Variants in COL25A1 observed in about 807,000 individuals in gnomAD.
The protein encoded by COL25A1 is collagen type XXV alpha 1 chain.
In COL25A1, 103 loss-of-function variants were observed where a neutral mutation model predicts 128.4. The observed-to-expected ratio is 0.80, with a 90% CI of 0.68 to 0.94. The LOEUF is 0.94. COL25A1 is among the 40% of genes least tolerant of loss of function. COL25A1 has a pLI of 0.00. For synonymous variants in COL25A1, 279 were observed against 277.2 expected, an observed-to-expected ratio of 1.01 and a Z score of -0.06; for missense variants, 745 against 840.0, an observed-to-expected ratio of 0.89 and a Z score of 1.40.
chr4:109,218,358 T>TTTTTTTTTTGTTTGTTTGTTTG (rs1778176559), intron 3 of COL25A1, among the ~76,000 whole-genome samples: 1 of 77,316 alleles, frequency 1.3e-5, no homozygotes, highest in African/African-American at 5.9e-5. Context: ...TTTTTTGGGG[T>TTTTTTTTTTGTTTGTTTGTTTG]TTTTTTTTTT....
chr4:108,998,932 A>C (rs1180913691), intron 6 of COL25A1, among the ~76,000 whole-genome samples: 1 of 152,230 alleles, frequency 6.6e-6, no homozygotes, highest in African/African-American at 2.4e-5. Flanking sequence ...CTGAAACTGG[A>C]TCCCTTCTTT....
chr4:108,859,394 C>T (rs1736898052), intron 24 of COL25A1, among the ~76,000 whole-genome samples: 1 of 152,170 alleles, frequency 6.6e-6, no homozygotes, highest in Non-Finnish European at 1.5e-5. Context: ...GCCAAACTAA[C>T]ACAAGGTTTA....
intron 3 of COL25A1, among the ~76,000 whole-genome samples, chr4:109,289,600 G>T (rs1477990542): frequency 2.0e-5 from 3 of 152,088 alleles, no homozygotes; most frequent in Non-Finnish European, 4.4e-5. Flanking sequence ...GGACCCAAGG[G>T]TGATGAAGCT....
intron 13 of COL25A1, among the ~76,000 whole-genome samples, chr4:108,916,684 G>C (rs1213156343): frequency 6.6e-6 from 1 of 152,160 alleles, no homozygotes; most frequent in Non-Finnish European, 1.5e-5. Flanking sequence ...ATCTGAGAAT[G>C]AATACACTTT....
chr4:109,250,300 CT>C (rs1780557740), intron 3 of COL25A1, among the ~76,000 whole-genome samples: 1 of 125,942 alleles, frequency 7.9e-6, no homozygotes, highest in Non-Finnish European at 1.6e-5. Flanking sequence ...GCACAAATAT[CT>C]GGGGGGGGAG....
At chr4:109,272,076 A>G (rs1453379208) in intron 3 of COL25A1, among the ~76,000 whole-genome samples, 1 of 152,008 alleles carries the variant, frequency 6.6e-6, no homozygotes, top group African/African-American at 2.4e-5. Flanking sequence ...TCTCTACAAA[A>G]AATACAAAAA....
chr4:108,887,048 ACACT>A (rs1259089032), intron 18 of COL25A1, among the ~76,000 whole-genome samples: 6 of 152,294 alleles, frequency 3.9e-5, no homozygotes, highest in Admixed American at 3.3e-4. Flanking sequence ...ATAAATCTAC[ACACT>A]CACTCTACAA....
intron 3 of COL25A1, among the ~76,000 whole-genome samples, chr4:109,202,690 C>A (rs1776653062): frequency 6.6e-6 from 1 of 152,092 alleles, no homozygotes; most frequent in Non-Finnish European, 1.5e-5. Flanking sequence ...AAGGGACAAG[C>A]CACATACTGG....
At chr4:108,980,339 G>A (rs1371372298) in intron 6 of COL25A1, among the ~76,000 whole-genome samples, 1 of 152,262 alleles carries the variant, frequency 6.6e-6, no homozygotes, top group Non-Finnish European at 1.5e-5. Context: ...CAACAAGACT[G>A]GTTAACTGAT....
At chr4:108,881,958 A>G (rs1740181236) in intron 19 of COL25A1, among the ~76,000 whole-genome samples, 1 of 152,206 alleles carries the variant, frequency 6.6e-6, no homozygotes, top group Non-Finnish European at 1.5e-5. Flanking sequence ...CTTGATGAAA[A>G]GAGTTTTTGT....
chr4:109,034,256 T>C (rs548477870), intron 5 of COL25A1, among the ~76,000 whole-genome samples: 5 of 152,338 alleles, frequency 3.3e-5, no homozygotes, highest in Admixed American at 1.3e-4. Context: ...ACATTTGATA[T>C]GGTTTTTGCC....
In COL25A1 at chr4:109,265,006, GC is replaced by G. The variant is rs1255343503; in HGVS notation, c.367+35576del. Among the ~76,000 whole-genome samples, 12 of 141,008 alleles carry G rather than the reference GC, an allele frequency of 8.5e-5. No homozygotes were observed. The East Asian group carries it at 2.3e-3, about 27-fold the overall frequency. 92.5% of individuals were successfully genotyped at this position (141,008 alleles called of 152,430 possible). A position where few individuals can be genotyped will look rare whatever the true frequency, so the allele number is the denominator to read the frequency against. ...AATTTCTAGTTAATCTATTTATAATGCCTTTTTTTGTATAAAGAAAATGGAA... is the reference window on the plus strand; with the variant it reads ...AATTTCTAGTTAATCTATTTATAATGCTTTTTTTGTATAAAGAAAATGGAA... On this transcript the variant is annotated intron_variant, in intron 3 of 37. Coordinates refer to ENST00000399132, the MANE Select transcript of COL25A1 (RefSeq NM_198721.4).
chr4:108,944,298 A>G (rs1748475064), intron 8 of COL25A1, among the ~76,000 whole-genome samples: 1 of 152,222 alleles, frequency 6.6e-6, no homozygotes. Context: ...TACAAGTTTG[A>G]AAACAGATGT....
chr4:108,852,845 A>G, intron 25 of COL25A1, 57 bp downstream of exon 25: 3 of 1,424,244 alleles, frequency 2.1e-6, no homozygotes, highest in Non-Finnish European at 2.9e-6. Flanking sequence ...TTTGGCTGGC[A>G]TGCATCAACA....
intron 3 of COL25A1, among the ~76,000 whole-genome samples, chr4:109,141,482 T>C (rs1236546555): frequency 6.6e-6 from 1 of 152,190 alleles, no homozygotes; most frequent in Non-Finnish European, 1.5e-5. Context: ...TCTTTTTCTG[T>C]TGTTTAGAAT....
intron 6 of COL25A1, among the ~76,000 whole-genome samples, chr4:109,002,341 A>T (rs1486656776): frequency 6.6e-6 from 1 of 152,228 alleles, no homozygotes; most frequent in East Asian, 1.9e-4. Flanking sequence ...ACAGGTAAAG[A>T]AACTGTGGTA....
intron 6 of COL25A1, among the ~76,000 whole-genome samples, chr4:108,995,512 C>T (rs912968822): frequency 3.3e-5 from 5 of 152,108 alleles, no homozygotes; most frequent in South Asian, 2.1e-4. Flanking sequence ...CAGAAAGTGA[C>T]GGGGAGAATG....
intron 8 of COL25A1, among the ~76,000 whole-genome samples, chr4:108,964,026 C>T (rs933572796): frequency 6.7e-6 from 1 of 149,884 alleles, no homozygotes; most frequent in Non-Finnish European, 1.5e-5. Context: ...TAATTATTTA[C>T]ATATCATATG....
At chr4:109,265,256 G>A (rs755135018) in intron 3 of COL25A1, among the ~76,000 whole-genome samples, 1 of 151,936 alleles carries the variant, frequency 6.6e-6, no homozygotes, top group African/African-American at 2.4e-5. Flanking sequence ...GTTAACATTC[G>A]GGAGCTGAAA....
Sources: allele counts gnomAD v4.1 joint callset (sites outside exome capture counted in the v4.1 genomes callset), GRCh38; gene constraint gnomAD v4.1.1; transcripts MANE v1.5; gene names NCBI Gene and HGNC (gene_info 2026-07-23, HGNC 2026-07-21).